The following ETV1 variants were observed in gnomAD, a reference collection of about 807,000 sequenced individuals.
ETV1 encodes ETS translocation variant 1.
ETV1 carries 27 observed loss-of-function variants against 62.3 expected under a neutral mutation model. That is an observed-to-expected ratio of 0.43 (90% confidence interval 0.32 to 0.60). The LOEUF (loss-of-function observed/expected upper bound fraction) is 0.60. ETV1 is among the 20% of genes least tolerant of loss of function. The pLI is 0.06. For missense variants in ETV1, 605 were observed against 605.8 expected (o/e 1.00, Z 0.01); for synonymous variants, 222 against 199.6 (o/e 1.11, Z -0.94).
chr7:13,928,076 T>C (rs138537983), intron 9 of ETV1, among the ~76,000 whole-genome samples: 12 of 152,334 alleles, frequency 7.9e-5, no homozygotes, highest in African/African-American at 2.9e-4. Flanking sequence ...TTGAAGATTA[T>C]ATATGACTCA....
chr7:13,906,564 C>T lies in ETV1; in HGVS notation c.976G>A (p.Gly326Arg), dbSNP rs771191756. 1.2e-6 allele frequency: 2 copies of T among 1,611,540 alleles called. No homozygotes were observed. Among genetic ancestry groups the T allele is most frequent in the African/African-American group, 1.3e-5 (1 of 74,818 alleles). Residue 326 changes from glycine to arginine, a missense_variant, in exon 12 of 14, where the codon GGA becomes AGA. Around this residue, in one of 3 missense-constraint regions of ETV1, gnomAD observed 100 missense variants for 156.4 expected, o/e 0.64. Coordinates refer to ENST00000430479, the MANE Select transcript of ETV1 (RefSeq NM_004956.5). The stretch of plus-strand genomic sequence containing the variant: ...GATCCTCGCCGTTGGTATGTGGGTC[C>T]TTCCCGATACATTCCTGGCTCTTGT... ...IKQEPGMYRE[G>R]PTYQRRGSLQ... is the part of the protein sequence containing the mutation.
chr7:13,949,321 C>T (rs1180040573), intron 6 of ETV1, among the ~76,000 whole-genome samples: 1 of 152,146 alleles, frequency 6.6e-6, no homozygotes, highest in Non-Finnish European at 1.5e-5. Flanking sequence ...GAAAAGCATT[C>T]ACTTTAAGTT....
rs35601993 is a variant in ETV1, at chr7:13,983,714, T to TAA, written c.181+2922_181+2923dup. Among the ~76,000 whole-genome samples, 619 of 147,108 alleles carry TAA rather than the reference T, an allele frequency of 4.2e-3. 4 individuals carry two copies. Among genetic ancestry groups the TAA allele is most frequent in the African/African-American group, 0.013 (542 of 40,298 alleles). On this transcript the variant is annotated intron_variant, in intron 5 of 13. Transcript: ENST00000430479. ...ATTGTTTTAAACTGTGTTTAGATGTTAAAAAAAAAACCTTTAAATTGCAGT... is the reference window on the plus strand; with the variant it reads ...ATTGTTTTAAACTGTGTTTAGATGTTAAAAAAAAAAAACCTTTAAATTGCAGT...
rs1240071076 is a variant in ETV1 at position 13,970,998 on chromosome 7, A to G, written c.235+6429T>C. Among the ~76,000 whole-genome samples the G allele has an allele frequency of 1.3e-5, 2 of 151,776 alleles. 1 individual carries two copies. The highest frequency in any genetic ancestry group is 1.3e-4 in the Admixed American group (2 of 15,234). On this transcript the variant is annotated intron_variant, in intron 6 of 13. Coordinates refer to ENST00000430479, the MANE Select transcript of ETV1 (RefSeq NM_004956.5). Reference sequence around the variant, plus strand: ...TTATTTATTTATTTTTTGAGACAGAATCTTACTCTGTCACCCAGGCTGGAG... The same window carrying G: ...TTATTTATTTATTTTTTGAGACAGAGTCTTACTCTGTCACCCAGGCTGGAG...
At chr7:13,917,845 T>A (rs1453616266) in intron 9 of ETV1, among the ~76,000 whole-genome samples, 1 of 151,676 alleles carries the variant, frequency 6.6e-6, no homozygotes, top group Admixed American at 6.6e-5. Context: ...GCACCAGTAG[T>A]CCCAGCTACT....
At chr7:13,905,102 G>C (rs1309043728) in intron 12 of ETV1, among the ~76,000 whole-genome samples, 4 of 151,720 alleles carry the variant, frequency 2.6e-5, no homozygotes, top group Non-Finnish European at 5.9e-5. Flanking sequence ...GTTCTAACCA[G>C]TGCCTTTTAT....
chr7:13,914,705 G>A (rs532079188), intron 9 of ETV1, among the ~76,000 whole-genome samples: 5 of 151,834 alleles, frequency 3.3e-5, no homozygotes, highest in African/African-American at 1.2e-4. Context: ...ATTGATTTGG[G>A]AAGCTTTACC....
intron 6 of ETV1, among the ~76,000 whole-genome samples, chr7:13,960,796 T>G (rs10236596): frequency 0.079 from 12,003 of 152,070 alleles, 785 homozygotes; most frequent in African/African-American, 0.17. Flanking sequence ...TTGATGAAAC[T>G]CAAATTCTGA....
chr7:13,988,987 A>G, intron 3 of ETV1, 21 bp downstream of exon 3: 2 of 1,594,504 alleles, frequency 1.3e-6, no homozygotes, highest in African/African-American at 1.3e-5. Flanking sequence ...ATAAACAGCA[A>G]CTTTCAAACT....
In ETV1 at chr7:13,895,546, G is replaced by A. The variant is rs1359050720; in HGVS notation, c.*320C>T. The A allele has an allele frequency of 3.0e-6, 1 of 330,450 alleles. No homozygotes were observed. Among genetic ancestry groups the A allele is most frequent in the Admixed American group, 4.3e-5 (1 of 23,132 alleles). The allele number at this position is 330,450 out of a possible 1,614,324, so 20.5% of individuals were successfully genotyped here. A position where few individuals can be genotyped will look rare whatever the true frequency, so the allele number is the denominator to read the frequency against. ...TGTTGTTATGAAATCAAACAGACAT[G>A]ATATAGTTTCATCATACTCAAAACT... On this transcript the variant is annotated 3_prime_UTR_variant, in exon 14 of 14. Transcript: ENST00000430479.
At chr7:13,912,983 C>T (rs900996298) in intron 9 of ETV1, among the ~76,000 whole-genome samples, 5 of 152,150 alleles carry the variant, frequency 3.3e-5, no homozygotes, top group African/African-American at 7.2e-5. Flanking sequence ...TAATGACTTG[C>T]CCAGAAAAAT....
intron 9 of ETV1, among the ~76,000 whole-genome samples, chr7:13,930,931 G>T (rs945791231): frequency 7.9e-5 from 12 of 151,830 alleles, no homozygotes; most frequent in Admixed American, 2.0e-4. Flanking sequence ...CTCCCGAGTA[G>T]CTGGGACTAC....
In ETV1 at chr7:13,931,539, C is replaced by T; in HGVS notation, c.765G>A (p.Met255Ile). 1 of 1,614,040 alleles carries T rather than the reference C, an allele frequency of 6.2e-7. No homozygotes were observed. The highest frequency in any genetic ancestry group is 8.5e-7 in the Non-Finnish European group (1 of 1,179,906). ...AASQSFPPPL[M>I]IKQEPRDFAY... is the part of the protein sequence containing the mutation. ...CAAAATCTCTGGGTTCCTGTTTAAT[C>T]ATCAGAGGAGGGGGAAAGCTTTGGC... The change falls in exon 9 of 14, where the codon ATG becomes ATA. Residue 255 changes from methionine (M) to isoleucine (I), a missense_variant. Physicochemically the swap from Met to Ile is conservative, Grantham distance 10. Around this residue, in one of 3 missense-constraint regions of ETV1, gnomAD observed 426 missense variants for 377.8 expected, o/e 1.13. Coordinates refer to ENST00000430479, the MANE Select transcript of ETV1 (RefSeq NM_004956.5).
chr7:13,970,616 G>A (rs1263397975), intron 6 of ETV1, among the ~76,000 whole-genome samples: 1 of 152,066 alleles, frequency 6.6e-6, no homozygotes, highest in Non-Finnish European at 1.5e-5. Flanking sequence ...AAAAACGAAA[G>A]AAGATGAAGT....
intron 8 of ETV1, among the ~76,000 whole-genome samples, chr7:13,935,489 A>C (rs1488423454): frequency 6.6e-6 from 1 of 152,234 alleles, no homozygotes; most frequent in Admixed American, 6.5e-5. Context: ...TTTCCATTTT[A>C]GCAACCAATT....
At chr7:13,934,196 A>G (rs748849179) in intron 8 of ETV1, among the ~76,000 whole-genome samples, 4 of 152,192 alleles carry the variant, frequency 2.6e-5, no homozygotes, top group African/African-American at 9.6e-5. Flanking sequence ...ATACCATTGC[A>G]CTCTGACAAA....
At chr7:13,896,770 AAG>A (rs1491093201) in intron 13 of ETV1, among the ~76,000 whole-genome samples, 3 of 149,830 alleles carry the variant, frequency 2.0e-5, no homozygotes, top group African/African-American at 7.6e-5. Flanking sequence ...GAAAGAAAGA[AAG>A]AAAGAAAGAA....
chr7:13,956,771 G>A (rs932360904), intron 6 of ETV1, among the ~76,000 whole-genome samples: 1 of 152,088 alleles, frequency 6.6e-6, no homozygotes, highest in Non-Finnish European at 1.5e-5. Context: ...AAGTCTTTAT[G>A]TTATACATAA....
At chr7:13,988,951 T>TCC in intron 3 of ETV1, 57 bp downstream of exon 3, 1 of 1,364,928 alleles carries the variant, frequency 7.3e-7, no homozygotes, top group Non-Finnish European at 1.0e-6. Context: ...TTTCTCCCTC[T>TCC]CCCCACCCCC....
Sources: gnomAD v4.1 joint callset for allele counts (sites outside exome capture counted in the v4.1 genomes callset) on GRCh38, gnomAD v4.1.1 for gene constraint, gnomAD v4.1.1 regional missense constraint, MANE v1.5 for transcripts, NCBI Gene and HGNC (gene_info 2026-07-23, HGNC 2026-07-21) for gene names.